VWA5A: variants seen among roughly 807,000 people sequenced by gnomAD.
The protein encoded by VWA5A is von Willebrand factor A domain-containing protein 5A.
In VWA5A, 77 loss-of-function variants were observed where a neutral mutation model predicts 84.6. That is an observed-to-expected ratio of 0.91 (90% CI 0.76 to 1.10). The LOEUF is 1.10. VWA5A is among the 50% of genes least tolerant of loss of function. The probability of loss-of-function intolerance (pLI) is 0.00; values close to 1 mark genes in which losing one functional copy is unlikely to be tolerated. For synonymous variants in VWA5A, 334 were observed against 350.1 expected, an observed-to-expected ratio of 0.95 and a Z score of 0.51; for missense variants, 973 against 963.0, an observed-to-expected ratio of 1.01 and a Z score of -0.14.
Position 124,123,895 on chromosome 11 carries a change from A to G in VWA5A, c.1164+91A>G, listed in dbSNP as rs974342405. ...TGAGCTTCATGCAGTATGTTGAAAT[A>G]TAGTTTGCAATTCACAGTCTTCTAT... On this transcript the variant is annotated intron_variant, in intron 10 of 18. Coordinates refer to ENST00000456829, the MANE Select transcript of VWA5A (RefSeq NM_001130142.2). 2.1e-6 allele frequency: 3 copies of G among 1,452,386 alleles called. No individual in the cohort carries two copies. In the African/African-American group the frequency reaches 4.3e-5, roughly 21 times the overall value. 90.0% of individuals were successfully genotyped at this position (1,452,386 alleles called of 1,614,324 possible). A position where few individuals can be genotyped will look rare whatever the true frequency, so the allele number is the denominator to read the frequency against.
At position 124,136,123 on chromosome 11, in the gene VWA5A, C is replaced by T; in HGVS notation, c.1360-6C>T. On this transcript the variant is annotated splice_region_variant and splice_polypyrimidine_tract_variant and intron_variant, in intron 12 of 18. Transcript: ENST00000456829. ...TGTGTTTATTCTGTTCTCTTCCCCA[C>T]ATTAGGCTCTCAGGACTCTGAAACG... 1.2e-6 allele frequency: 2 copies of T among 1,613,430 alleles called. No homozygotes were observed. The highest frequency in any genetic ancestry group is 1.7e-6 in the Non-Finnish European group (2 of 1,179,544).
intron 6 of VWA5A, 86 bp from the exon 7 acceptor site, chr11:124,118,889 A>T: frequency 7.1e-7 from 1 of 1,402,546 alleles, no homozygotes. Flanking sequence ...ATGCTGTCTT[A>T]TGGAGGAGGA....
At chr11:124,136,442 G>GT in intron 13 of VWA5A, 132 bp from the exon 14 acceptor site, 1 of 1,428,708 alleles carries the variant, frequency 7.0e-7, no homozygotes, top group Non-Finnish European at 9.6e-7. Context: ...CAGGTCTCCG[G>GT]TTTCCTAGGC....
intron 15 of VWA5A, among the ~76,000 whole-genome samples, chr11:124,139,029 A>T (rs972741842): frequency 2.0e-5 from 3 of 152,128 alleles, no homozygotes; most frequent in Non-Finnish European, 4.4e-5. Flanking sequence ...TATTAAAGTG[A>T]CTGTCTTTTA....
At chr11:124,142,646 G>A in intron 17 of VWA5A, 74 bp downstream of exon 17, 2 of 1,580,698 alleles carry the variant, frequency 1.3e-6, no homozygotes, top group Non-Finnish European at 1.7e-6. Flanking sequence ...GGTGATTCAG[G>A]ACCTACCTGA....
chr11:124,127,673 A>G (rs1865039295), intron 11 of VWA5A, among the ~76,000 whole-genome samples: 1 of 152,174 alleles, frequency 6.6e-6, no homozygotes, highest in South Asian at 2.1e-4. Flanking sequence ...CCTCTCCAGC[A>G]TCTGTTGTTT....
At chr11:124,124,524 A>T (rs1016911288) in intron 11 of VWA5A, 73 of 1,322,328 alleles carry the variant, frequency 5.5e-5, no homozygotes, top group Non-Finnish European at 6.9e-5. Flanking sequence ...ATTGTTTCTT[A>T]TTCTTTCTAA....
chr11:124,141,695 T>G lies in VWA5A; in HGVS notation c.1977T>G (p.Asp659Glu). Residue 659 changes from aspartate to glutamate, a missense_variant, in exon 16 of 19, where the codon GAT becomes GAG. Physicochemically the swap from Asp to Glu is conservative, Grantham distance 45. Coordinates refer to ENST00000456829, the MANE Select transcript of VWA5A (RefSeq NM_001130142.2). ...AGGCCAAGACATTCCAGATGGACGA[T>G]TACAGTCTCTGTGGGTTGATAAGTC... Reference protein sequence around the residue: ...CYKAKTFQMDDYSLCGLISHK... With the variant: ...CYKAKTFQMDEYSLCGLISHK... The G allele has an allele frequency of 6.2e-7, 1 of 1,614,162 alleles. No homozygotes were observed. The highest frequency in any genetic ancestry group is 8.5e-7 in the Non-Finnish European group (1 of 1,180,018).
intron 10 of VWA5A, 127 bp from the exon 11 acceptor site, chr11:124,124,110 A>T (rs1332988531): frequency 2.1e-6 from 2 of 972,272 alleles, no homozygotes; most frequent in African/African-American, 3.3e-5. Context: ...AACATTAGGG[A>T]TTTCATGCCT....
At chr11:124,135,641 C>T (rs1865167055) in intron 12 of VWA5A, among the ~76,000 whole-genome samples, 1 of 145,196 alleles carries the variant, frequency 6.9e-6, no homozygotes. Context: ...CGCCATTCTC[C>T]TGCCTCAGCC....
intron 15 of VWA5A, among the ~76,000 whole-genome samples, chr11:124,138,606 C>T (rs1368470645): frequency 1.3e-5 from 2 of 152,148 alleles, no homozygotes; most frequent in Non-Finnish European, 2.9e-5. Context: ...AGTGTCTACT[C>T]AAGTCTTTTG....
chr11:124,142,830 C>T (rs903543813), intron 17 of VWA5A, among the ~76,000 whole-genome samples: 1 of 152,160 alleles, frequency 6.6e-6, no homozygotes, highest in Non-Finnish European at 1.5e-5. Context: ...TCCTCTTCCA[C>T]TTTAATCGTA....
chr11:124,123,490 G>A (rs376063784), intron 9 of VWA5A, 36 bp downstream of exon 9: 92 of 1,609,144 alleles, frequency 5.7e-5, no homozygotes, highest in South Asian at 5.5e-4. Context: ...AGTACAAAAC[G>A]AGACTTTAAA....
Position 124,136,942 on chromosome 11 carries a change from T to C in VWA5A, c.1626-73T>C. On this transcript the variant is annotated intron_variant, in intron 14 of 18. Coordinates refer to ENST00000456829, the MANE Select transcript of VWA5A (RefSeq NM_001130142.2). ...TATCTTAACTCTTCTATTCCTAACT[T>C]TTAGGAGCCCTGAGAAACTGGTATA... 1.9e-6 allele frequency: 3 copies of C among 1,542,504 alleles called. No homozygotes were observed. In the Admixed American group the frequency reaches 6.0e-5, roughly 31 times the overall value.
intron 10 of VWA5A, 119 bp from the exon 11 acceptor site, chr11:124,124,118 C>T: frequency 1.0e-6 from 1 of 999,260 alleles, no homozygotes; most frequent in South Asian, 1.5e-5. Context: ...GGATTTCATG[C>T]CTCTTTGAAG....
chr11:124,141,851 T>C, intron 16 of VWA5A, 110 bp downstream of exon 16: 1 of 1,401,810 alleles, frequency 7.1e-7, no homozygotes, highest in South Asian at 1.4e-5. Flanking sequence ...TGCATGTTTC[T>C]CGAAGGGACC....
chr11:124,138,951 A>G (rs1366691127), intron 15 of VWA5A, among the ~76,000 whole-genome samples: 1 of 152,138 alleles, frequency 6.6e-6, no homozygotes, highest in Non-Finnish European at 1.5e-5. Context: ...TGGTTTTTCT[A>G]TGTGATGAGA....
chr11:124,144,059 A>C (rs988042936), intron 17 of VWA5A, among the ~76,000 whole-genome samples: 8 of 152,174 alleles, frequency 5.3e-5, no homozygotes, highest in African/African-American at 1.9e-4. Context: ...GTTTCAATGA[A>C]GATTTAGATG....
At chr11:124,117,322 A>G (rs1864846968) in intron 2 of VWA5A, 175 bp from the exon 3 acceptor site, 3 of 647,710 alleles carry the variant, frequency 4.6e-6, no homozygotes, top group Non-Finnish European at 8.0e-6. Context: ...ACTGCCATTT[A>G]AAAGGACCCT....
Sources: gnomAD v4.1 joint callset for allele counts (sites outside exome capture counted in the v4.1 genomes callset) on GRCh38, gnomAD v4.1.1 for gene constraint, MANE v1.5 for transcripts, NCBI Gene and HGNC (gene_info 2026-07-23, HGNC 2026-07-21) for gene names.